The following SHANK2 variants were observed in gnomAD, a reference collection of about 807,000 sequenced individuals.
SHANK2 encodes the protein SH3 and multiple ankyrin repeat domains 2, also known as SH3 and multiple ankyrin repeat domains protein 2.
SHANK2 carries 43 observed loss-of-function variants against 133.7 expected under a neutral mutation model. That is an observed-to-expected ratio of 0.32 (90% confidence interval 0.25 to 0.41). The LOEUF is 0.41. Ranked by LOEUF, SHANK2 falls within the 10% of genes least tolerant of loss-of-function variation. The pLI, the probability that SHANK2 is intolerant of heterozygous loss-of-function variation, is 1.00. For missense variants in SHANK2, 1,994 were observed against 2,235.8 expected (o/e 0.89, Z 2.18); for synonymous variants, 1,017 against 952.8 (o/e 1.07, Z -1.24).
At chr11:70,710,371 C>G (rs943938111) in intron 14 of SHANK2, among the ~76,000 whole-genome samples, 2 of 152,200 alleles carry the variant, frequency 1.3e-5, no homozygotes, top group African/African-American at 4.8e-5. Flanking sequence ...CCCACTGCCC[C>G]CTCTCGGCTA....
intron 17 of SHANK2, among the ~76,000 whole-genome samples, chr11:70,518,266 C>T (rs2059289607): frequency 6.6e-6 from 1 of 152,170 alleles, no homozygotes; most frequent in Admixed American, 6.5e-5. Context: ...AGAAACACAA[C>T]TGAAGTGGGA....
intron 14 of SHANK2, among the ~76,000 whole-genome samples, chr11:70,777,519 T>TCATCCATCCATC (rs201578144): frequency 0.016 from 2,424 of 151,212 alleles, 73 homozygotes; most frequent in African/African-American, 0.056. Context: ...ACCTATCCAT[T>TCATCCATCCATC]CATCCATCCA....
In SHANK2 at chr11:70,753,187, C is replaced by A. The variant is rs782270373; in HGVS notation, c.1777+45256G>T. On this transcript the variant is annotated intron_variant, in intron 14 of 25. Transcript: ENST00000601538. ...AACAGAACTGTTAAAAAAAAAAAAACAAAAAACAAACAAAAAAAAACAAAA... is the reference window on the plus strand; with the variant it reads ...AACAGAACTGTTAAAAAAAAAAAAAAAAAAAACAAACAAAAAAAAACAAAA... Among the ~76,000 whole-genome samples the A allele has an allele frequency of 5.7e-3, 797 of 139,804 alleles. 25 individuals carry two copies. The South Asian group carries it at 0.069, about 12-fold the overall frequency. 91.7% of individuals were successfully genotyped at this position (139,804 alleles called of 152,430 possible).
chr11:70,573,639 A>C (rs1287100836), intron 17 of SHANK2, among the ~76,000 whole-genome samples: 1 of 152,032 alleles, frequency 6.6e-6, no homozygotes, highest in East Asian at 1.9e-4. Flanking sequence ...CCCCTCCTAC[A>C]TTGACCAGAT....
At chr11:70,580,701 G>T (rs890145149) in intron 17 of SHANK2, among the ~76,000 whole-genome samples, 2 of 152,250 alleles carry the variant, frequency 1.3e-5, no homozygotes, top group African/African-American at 4.8e-5. Context: ...GCCTGAGGCC[G>T]CTTCCCCGCT....
chr11:70,528,483 G>A (rs1456533633), intron 17 of SHANK2, among the ~76,000 whole-genome samples: 1 of 152,146 alleles, frequency 6.6e-6, no homozygotes, highest in East Asian at 1.9e-4. Context: ...GGGCTGGATG[G>A]GGCTCTTTCC....
intron 8 of SHANK2, among the ~76,000 whole-genome samples, chr11:71,082,091 G>T (rs1207407192): frequency 6.6e-6 from 1 of 152,244 alleles, no homozygotes; most frequent in Admixed American, 6.5e-5. Flanking sequence ...GCCAATGCAT[G>T]CCAGCTGCCC....
chr11:71,178,580 T>C (rs993821860), intron 2 of SHANK2, among the ~76,000 whole-genome samples: 2 of 152,224 alleles, frequency 1.3e-5, no homozygotes, highest in Admixed American at 1.3e-4. Flanking sequence ...AGATGATAGA[T>C]ATTATGCTAT....
chr11:71,204,526 G>T (rs1483868573), intron 2 of SHANK2, among the ~76,000 whole-genome samples: 1 of 152,182 alleles, frequency 6.6e-6, no homozygotes, highest in Non-Finnish European at 1.5e-5. Flanking sequence ...CCTCTCCCCT[G>T]GGTGAAGGCT....
At chr11:70,846,554 C>A (rs557076521) in intron 11 of SHANK2, among the ~76,000 whole-genome samples, 2 of 152,292 alleles carry the variant, frequency 1.3e-5, no homozygotes, top group South Asian at 4.1e-4. Flanking sequence ...CTGCGCTCGG[C>A]CTCATCTGTC....
At chr11:71,212,949 A>G (rs1387074564) in intron 2 of SHANK2, among the ~76,000 whole-genome samples, 1 of 151,296 alleles carries the variant, frequency 6.6e-6, no homozygotes, top group Non-Finnish European at 1.5e-5. Flanking sequence ...AGGAGCAGGG[A>G]CCCCAGGCGG....
intron 17 of SHANK2, among the ~76,000 whole-genome samples, chr11:70,563,795 G>A (rs1007440649): frequency 6.6e-6 from 1 of 152,166 alleles, no homozygotes; most frequent in Non-Finnish European, 1.5e-5. Context: ...TTATCTGAAA[G>A]ACAACCTTTC....
chr11:71,118,027 A>G (rs782705474), intron 4 of SHANK2, among the ~76,000 whole-genome samples: 17 of 152,202 alleles, frequency 1.1e-4, no homozygotes, highest in Non-Finnish European at 1.9e-4. Context: ...ATTGACATCC[A>G]GCTGGTGTCT....
chr11:71,133,057 G>A (rs1333584445), intron 3 of SHANK2, among the ~76,000 whole-genome samples: 1 of 152,042 alleles, frequency 6.6e-6, no homozygotes, highest in Non-Finnish European at 1.5e-5. Flanking sequence ...CAAAGGACAT[G>A]GCGGGGCTAC....
chr11:71,126,725 C>CTTT (rs200961805), intron 3 of SHANK2, among the ~76,000 whole-genome samples: 2,138 of 130,236 alleles, frequency 0.016, 69 homozygotes, highest in African/African-American at 0.058. Flanking sequence ...TCATAAACGA[C>CTTT]TTTTTTTTTT....
chr11:70,835,737 C>T (rs1457442162), intron 11 of SHANK2, among the ~76,000 whole-genome samples: 3 of 152,164 alleles, frequency 2.0e-5, no homozygotes, highest in African/African-American at 7.2e-5. Context: ...GATGTGAGTC[C>T]TGGGTCAGTC....
chr11:70,847,776 C>T (rs1339038915), intron 11 of SHANK2, among the ~76,000 whole-genome samples: 6 of 152,228 alleles, frequency 3.9e-5, no homozygotes, highest in African/African-American at 1.4e-4. Context: ...GGTGCCCCCA[C>T]CCACCCAGTC....
chr11:70,908,384 C>T (rs535080533), intron 10 of SHANK2, among the ~76,000 whole-genome samples: 7 of 152,186 alleles, frequency 4.6e-5, no homozygotes, highest in Non-Finnish European at 7.3e-5. Flanking sequence ...CTTCCTTACA[C>T]GGTGTCCTCA....
At chr11:70,547,842 C>T (rs889148818) in intron 17 of SHANK2, among the ~76,000 whole-genome samples, 4 of 152,234 alleles carry the variant, frequency 2.6e-5, no homozygotes, top group Non-Finnish European at 4.4e-5. Flanking sequence ...ACAATCGAGA[C>T]AGAGAATTTC....
Sources: gnomAD v4.1 joint callset for allele counts (sites outside exome capture counted in the v4.1 genomes callset) on GRCh38, gnomAD v4.1.1 for gene constraint, MANE v1.5 for transcripts, NCBI Gene and HGNC (gene_info 2026-07-23, HGNC 2026-07-21) for gene names.